The following GRIK2 variants were observed in gnomAD, a reference collection of about 807,000 sequenced individuals.
GRIK2 encodes the protein glutamate receptor ionotropic, kainate 2.
A neutral mutation model predicts 100.3 loss-of-function variants in GRIK2; 32 were observed. The ratio of observed to expected loss-of-function variants is 0.32; its 90% CI spans 0.24 to 0.43. The LOEUF (loss-of-function observed/expected upper bound fraction) is 0.43. Ranked by LOEUF, GRIK2 falls within the 20% of genes least tolerant of loss-of-function variation. GRIK2 has a pLI of 1.00. For missense variants in GRIK2, 843 were observed against 1,114.9 expected, an observed-to-expected ratio of 0.76 and a Z score of 3.47; for synonymous variants, 417 against 389.4, an observed-to-expected ratio of 1.07 and a Z score of -0.83.
intron 2 of GRIK2, among the ~76,000 whole-genome samples, chr6:101,423,349 T>C (rs1776513890): frequency 6.6e-6 from 1 of 152,170 alleles, no homozygotes; most frequent in Non-Finnish European, 1.5e-5. Flanking sequence ...AAGCTCTATT[T>C]TTAAAATTTG....
chr6:101,897,481 T>C (rs1787546801), intron 12 of GRIK2, among the ~76,000 whole-genome samples: 1 of 151,822 alleles, frequency 6.6e-6, no homozygotes, highest in African/African-American at 2.4e-5. Flanking sequence ...CTGTTTTCCA[T>C]AGCCACTGGA....
chr6:101,952,832 G>A (rs1242999624), intron 14 of GRIK2, among the ~76,000 whole-genome samples: 1 of 152,098 alleles, frequency 6.6e-6, no homozygotes, highest in Non-Finnish European at 1.5e-5. Context: ...TGGATCTCCT[G>A]ACTTCTTGAT....
intron 12 of GRIK2, among the ~76,000 whole-genome samples, chr6:101,909,396 T>TA (rs1383257963): frequency 6.8e-6 from 1 of 146,776 alleles, no homozygotes; most frequent in Non-Finnish European, 1.5e-5. Flanking sequence ...TTTTTTTTTT[T>TA]AAAGATCATT....
intron 4 of GRIK2, among the ~76,000 whole-genome samples, chr6:101,643,191 TG>T (rs1008326427): frequency 1.1e-4 from 17 of 151,700 alleles, no homozygotes; most frequent in African/African-American, 3.9e-4. Context: ...TTCACGTTGT[TG>T]GTTGTGTCCT....
At chr6:101,429,361 G>A (rs898508417) in intron 2 of GRIK2, among the ~76,000 whole-genome samples, 10 of 152,308 alleles carry the variant, frequency 6.6e-5, no homozygotes, top group African/African-American at 9.6e-5. Context: ...TAACTAGAGA[G>A]AGATGTAGTG....
At chr6:101,424,691 A>T (rs983102615) in intron 2 of GRIK2, among the ~76,000 whole-genome samples, 2 of 151,480 alleles carry the variant, frequency 1.3e-5, no homozygotes, top group South Asian at 2.1e-4. Flanking sequence ...AGCATTAGTT[A>T]TATCTCCTAA....
In GRIK2 at chr6:101,909,954, A is replaced by G. The variant is rs1447830681; in HGVS notation, c.1749-14647A>G. On this transcript the variant is annotated intron_variant, in intron 12 of 16. Coordinates refer to ENST00000369134, the MANE Select transcript of GRIK2 (RefSeq NM_021956.5). Reference sequence around the variant, plus strand: ...TCAGAAATAAAAATCTGATAAAATCAGAAATGTTATGAGTTTTGAGAACAG... The same window carrying G: ...TCAGAAATAAAAATCTGATAAAATCGGAAATGTTATGAGTTTTGAGAACAG... 1.8e-4 allele frequency among the ~76,000 whole-genome samples: 27 copies of G among 150,772 alleles called. No individual in the cohort carries two copies. In the Admixed American group the frequency reaches 1.8e-3, roughly 10 times the overall value.
chr6:101,562,514 G>GTT (rs142650148), intron 2 of GRIK2, among the ~76,000 whole-genome samples: 8 of 151,194 alleles, frequency 5.3e-5, no homozygotes, highest in Middle Eastern at 3.4e-3. Flanking sequence ...AATTTTTGTA[G>GTT]TTTTTTTTAG....
At chr6:101,567,559 A>C (rs931797135) in intron 2 of GRIK2, among the ~76,000 whole-genome samples, 4 of 152,004 alleles carry the variant, frequency 2.6e-5, no homozygotes, top group Non-Finnish European at 5.9e-5. Context: ...AAATGGAATA[A>C]CATCCTGTTT....
chr6:102,031,113 ACACACACACACACACC>A lies in GRIK2; in HGVS notation c.2086-4226_2086-4211del, dbSNP rs1254298978. Among the ~76,000 whole-genome samples the A allele has an allele frequency of 6.2e-4, 89 of 142,622 alleles. 1 individual carries two copies. Among genetic ancestry groups the A allele is most frequent in the East Asian group, 4.5e-3 (20 of 4,452 alleles). 93.6% of individuals were successfully genotyped at this position (142,622 alleles called of 152,430 possible). A position where few individuals can be genotyped will look rare whatever the true frequency, so the allele number is the denominator to read the frequency against. On this transcript the variant is annotated intron_variant, in intron 14 of 16. Coordinates refer to ENST00000369134, the MANE Select transcript of GRIK2 (RefSeq NM_021956.5). ...CACACACACACACACACACACACAC[ACACACACACACACACC>A]CCCTTTGAGTTTCTGGATGTCTTTC... is the stretch of plus-strand genomic sequence containing the variant.
chr6:101,653,398 C>T (rs370452342), intron 4 of GRIK2, among the ~76,000 whole-genome samples: 5 of 151,854 alleles, frequency 3.3e-5, no homozygotes, highest in African/African-American at 4.8e-5. Flanking sequence ...CCCCACCCTG[C>T]GCCCTCACTC....
In GRIK2 at chr6:102,054,629, G is replaced by A. The variant is rs376045301; in HGVS notation, c.2312-701G>A. On this transcript the variant is annotated intron_variant, in intron 15 of 16. Coordinates refer to ENST00000369134, the MANE Select transcript of GRIK2 (RefSeq NM_021956.5). ...AACAATACGTTTTATTTATATTGTTGCCTCCACTGGAAAAAAACAAAATAA... is the reference window on the plus strand; with the variant it reads ...AACAATACGTTTTATTTATATTGTTACCTCCACTGGAAAAAAACAAAATAA... Among the ~76,000 whole-genome samples, 11 of 151,856 alleles carry A rather than the reference G, an allele frequency of 7.2e-5. No individual in the cohort carries two copies. The East Asian group carries it at 1.4e-3, about 19-fold the overall frequency.
At chr6:101,678,840 ATTTAT>A (rs1262750451) in intron 5 of GRIK2, among the ~76,000 whole-genome samples, 3 of 152,170 alleles carry the variant, frequency 2.0e-5, no homozygotes, top group African/African-American at 4.8e-5. Flanking sequence ...TGTTTGTGTA[ATTTAT>A]TTAATTTATT....
At chr6:101,794,485 T>A (rs1780150945) in intron 7 of GRIK2, among the ~76,000 whole-genome samples, 1 of 152,220 alleles carries the variant, frequency 6.6e-6, no homozygotes, top group African/African-American at 2.4e-5. Context: ...TAATTGTTTT[T>A]GTTTGTTTTG....
chr6:101,719,927 AAAAG>A (rs1040705587), intron 7 of GRIK2, among the ~76,000 whole-genome samples: 2 of 151,958 alleles, frequency 1.3e-5, no homozygotes, highest in Non-Finnish European at 2.9e-5. Context: ...TTTTCTTTCA[AAAAG>A]AAAGAGAGAG....
chr6:101,421,395 G>T (rs954573920), intron 2 of GRIK2, among the ~76,000 whole-genome samples: 13 of 152,200 alleles, frequency 8.5e-5, no homozygotes, highest in African/African-American at 3.1e-4. Context: ...GGAAGCAGGG[G>T]TCATTGGGAG....
intron 7 of GRIK2, among the ~76,000 whole-genome samples, chr6:101,698,767 TG>T (rs1313937514): frequency 4.6e-5 from 7 of 152,140 alleles, no homozygotes; most frequent in Admixed American, 6.6e-5. Flanking sequence ...ATAAGACAAG[TG>T]AAACGTAGCC....
At chr6:101,672,014 G>A (rs1313162915) in intron 4 of GRIK2, among the ~76,000 whole-genome samples, 1 of 152,116 alleles carries the variant, frequency 6.6e-6, no homozygotes, top group East Asian at 1.9e-4. Context: ...GGTGTCTCAT[G>A]GATCTGCTAC....
chr6:101,707,588 G>GTATATATA (rs1491170927), intron 7 of GRIK2, among the ~76,000 whole-genome samples: 8 of 132,864 alleles, frequency 6.0e-5, no homozygotes, highest in African/African-American at 1.6e-4. Flanking sequence ...GTGTGTGTGT[G>GTATATATA]TGTGTGTATA....
Sources: allele counts gnomAD v4.1 joint callset (sites outside exome capture counted in the v4.1 genomes callset), GRCh38; gene constraint gnomAD v4.1.1; transcripts MANE v1.5; gene names NCBI Gene and HGNC (gene_info 2026-07-23, HGNC 2026-07-21).